Variants in PLPP4 observed in about 807,000 individuals in gnomAD.
PLPP4 encodes the protein phospholipid phosphatase 4, also known as diacylglycerol pyrophosphate like 2.
Under a neutral mutation model 32.2 loss-of-function variants are expected in PLPP4, and 20 were observed. The observed-to-expected ratio is 0.62, with a 90% confidence interval of 0.44 to 0.90. The LOEUF (loss-of-function observed/expected upper bound fraction) is 0.90. PLPP4 is among the 40% of genes least tolerant of loss of function. The probability of loss-of-function intolerance (pLI) is 0.00; values close to 1 mark genes in which losing one functional copy is unlikely to be tolerated. For synonymous variants in PLPP4, 127 were observed against 133.0 expected, an observed-to-expected ratio of 0.95 and a Z score of 0.31; for missense variants, 257 against 353.1, an observed-to-expected ratio of 0.73 and a Z score of 2.18.
At chr10:120,507,735 G>T (rs1845562912) in intron 2 of PLPP4, among the ~76,000 whole-genome samples, 1 of 152,178 alleles carries the variant, frequency 6.6e-6, no homozygotes, top group Non-Finnish European at 1.5e-5. Flanking sequence ...TTTGTTTGGA[G>T]TATCTATGCG....
intron 1 of PLPP4, among the ~76,000 whole-genome samples, chr10:120,494,588 G>C (rs1029690297): frequency 3.9e-4 from 60 of 152,244 alleles, no homozygotes; most frequent in African/African-American, 1.3e-3. Context: ...CCATCCCCAA[G>C]AGGGGGTGGT....
intron 5 of PLPP4, among the ~76,000 whole-genome samples, chr10:120,531,888 A>ACG (rs1336672695): frequency 1.3e-5 from 2 of 149,570 alleles, no homozygotes; most frequent in Admixed American, 6.6e-5. Flanking sequence ...ACACACACAC[A>ACG]CACACACATA....
chr10:120,532,082 C>G (rs1283580534), intron 5 of PLPP4, among the ~76,000 whole-genome samples: 1 of 152,090 alleles, frequency 6.6e-6, no homozygotes, highest in Non-Finnish European at 1.5e-5. Context: ...CCCCAACAGG[C>G]CCTGGTGTGT....
intron 2 of PLPP4, among the ~76,000 whole-genome samples, chr10:120,511,391 C>T (rs1239466593): frequency 6.6e-6 from 1 of 152,182 alleles, no homozygotes; most frequent in Admixed American, 6.5e-5. Context: ...GGAAAGTCAT[C>T]CCAACTCATA....
chr10:120,484,479 G>A (rs1213355185), intron 1 of PLPP4, among the ~76,000 whole-genome samples: 1 of 152,148 alleles, frequency 6.6e-6, no homozygotes, highest in African/African-American at 2.4e-5. Context: ...AAGGTGAGAG[G>A]GCAAGAGAAG....
At chr10:120,581,567 C>G (rs1457806953) in intron 6 of PLPP4, among the ~76,000 whole-genome samples, 1 of 152,208 alleles carries the variant, frequency 6.6e-6, no homozygotes, top group Non-Finnish European at 1.5e-5. Flanking sequence ...TATGTTCAAG[C>G]TACTTGTCCT....
chr10:120,556,839 T>G lies in PLPP4; in HGVS notation c.446-18292T>G, dbSNP rs144311969. On this transcript the variant is annotated intron_variant, in intron 5 of 6. Transcript: ENST00000398250. ...GTTACTTTGTATCCACATCTACCTA[T>G]CTTATATTTAGGTTGGTGCAAAAGT... Among the ~76,000 whole-genome samples, 284 of 151,992 alleles carry G rather than the reference T, an allele frequency of 1.9e-3. 2 individuals are homozygous for G. The highest frequency in any genetic ancestry group is 6.1e-3 in the African/African-American group (251 of 41,444).
chr10:120,569,292 T>C (rs1848825154), intron 5 of PLPP4, among the ~76,000 whole-genome samples: 1 of 151,484 alleles, frequency 6.6e-6, no homozygotes, highest in African/African-American at 2.4e-5. Context: ...CCTCCTTGTA[T>C]CTGCCCATTC....
intron 6 of PLPP4, chr10:120,581,354 G>A: frequency 1.0e-6 from 1 of 958,272 alleles, no homozygotes; most frequent in Non-Finnish European, 1.2e-6. Flanking sequence ...CTCAGTTGTT[G>A]CCTGAATCAT....
intron 1 of PLPP4, among the ~76,000 whole-genome samples, chr10:120,483,087 C>T (rs943127877): frequency 2.6e-5 from 4 of 152,174 alleles, no homozygotes; most frequent in Non-Finnish European, 5.9e-5. Flanking sequence ...GTCTTTCAGC[C>T]TTCATCTTTC....
rs199555460 is a variant in PLPP4 at position 120,497,168 on chromosome 10, C to T, written c.57-6650C>T. ...GACCAAAAAAAGGTAGTCGGTGGTG[C>T]TTTTGTGATTTAGCAGTGAAAGAGC... On this transcript the variant is annotated intron_variant, in intron 1 of 6. Coordinates refer to ENST00000398250, the MANE Select transcript of PLPP4 (RefSeq NM_001030059.3). Among the ~76,000 whole-genome samples, 4 of 152,030 alleles carry T rather than the reference C, an allele frequency of 2.6e-5. No homozygotes were observed. The East Asian group carries it at 7.8e-4, about 30-fold the overall frequency.
intron 5 of PLPP4, among the ~76,000 whole-genome samples, chr10:120,545,257 AG>A (rs992588634): frequency 2.0e-4 from 31 of 152,252 alleles, no homozygotes; most frequent in African/African-American, 7.5e-4. Flanking sequence ...TGGAGGCCCA[AG>A]GCTTCCTCTT....
In PLPP4 at chr10:120,590,767, CTTT is replaced by C. The variant is rs11420059; in HGVS notation, c.*1281_*1283del. On this transcript the variant is annotated 3_prime_UTR_variant, in exon 7 of 7. Transcript: ENST00000398250. ...TGCATCTTTGCTATCCAGAGTGTCA[CTTT>C]TTTTTTTTTTTTTTTGAGATGGAGT... Among the ~76,000 whole-genome samples the C allele has an allele frequency of 7.9e-6, 1 of 126,182 alleles. No homozygotes were observed. Among genetic ancestry groups the C allele is most frequent in the Non-Finnish European group, 1.6e-5 (1 of 61,348 alleles). The allele number at this position is 126,182 out of a possible 152,430, so 82.8% of individuals were successfully genotyped here. A position where few individuals can be genotyped will look rare whatever the true frequency, so the allele number is the denominator to read the frequency against.
At chr10:120,584,986 A>G (rs1849686492) in intron 6 of PLPP4, among the ~76,000 whole-genome samples, 1 of 152,236 alleles carries the variant, frequency 6.6e-6, no homozygotes, top group African/African-American at 2.4e-5. Flanking sequence ...TCTTTTGGTC[A>G]ATGATCCACC....
intron 1 of PLPP4, among the ~76,000 whole-genome samples, chr10:120,496,068 A>G (rs747432474): frequency 2.9e-4 from 44 of 152,184 alleles, no homozygotes; most frequent in Non-Finnish European, 5.7e-4. Flanking sequence ...TTTATATTTC[A>G]GTATAATCTT....
chr10:120,581,624 A>C, intron 6 of PLPP4, among the ~76,000 whole-genome samples: 1 of 152,084 alleles, frequency 6.6e-6, no homozygotes, highest in East Asian at 1.9e-4. Flanking sequence ...TACTCCTTGA[A>C]CAGGCCCGTC....
intron 5 of PLPP4, among the ~76,000 whole-genome samples, chr10:120,547,355 CA>C (rs950474980): frequency 2.0e-5 from 3 of 152,114 alleles, no homozygotes; most frequent in African/African-American, 7.2e-5. Flanking sequence ...ATTTGATCAA[CA>C]CAGCATATTA....
At chr10:120,577,029 C>A (rs1849254145) in intron 6 of PLPP4, among the ~76,000 whole-genome samples, 1 of 152,204 alleles carries the variant, frequency 6.6e-6, no homozygotes, top group Non-Finnish European at 1.5e-5. Flanking sequence ...TAATATTTCA[C>A]AGAGCTTTTC....
At chr10:120,479,000 G>T (rs1033066003) in intron 1 of PLPP4, among the ~76,000 whole-genome samples, 6 of 152,214 alleles carry the variant, frequency 3.9e-5, no homozygotes, top group Admixed American at 6.5e-5. Context: ...GCCAAGGTGG[G>T]CAGATCATGA....
Sources: gnomAD v4.1 joint callset for allele counts (sites outside exome capture counted in the v4.1 genomes callset) on GRCh38, gnomAD v4.1.1 for gene constraint, MANE v1.5 for transcripts, NCBI Gene and HGNC (gene_info 2026-07-23, HGNC 2026-07-21) for gene names.